The following PITPNC1 variants were observed in gnomAD, a reference collection of about 807,000 sequenced individuals.
The protein encoded by PITPNC1 is phosphatidylinositol transfer protein cytoplasmic 1, also known as cytoplasmic phosphatidylinositol transfer protein 1.
Under a neutral mutation model 44.7 loss-of-function variants are expected in PITPNC1, and 18 were observed. The ratio of observed to expected loss-of-function variants is 0.40; its 90% CI spans 0.28 to 0.60. PITPNC1 has a LOEUF of 0.60. PITPNC1 is among the 20% of genes least tolerant of loss of function. The probability of loss-of-function intolerance (pLI) is 0.39; values close to 1 mark genes in which losing one functional copy is unlikely to be tolerated. For missense variants in PITPNC1, 290 were observed against 418.4 expected, an observed-to-expected ratio of 0.69 and a Z score of 2.68; for synonymous variants, 141 against 149.6, an observed-to-expected ratio of 0.94 and a Z score of 0.42.
chr17:67,568,525 T>A (rs2041011189), intron 4 of PITPNC1, among the ~76,000 whole-genome samples: 3 of 152,180 alleles, frequency 2.0e-5, no homozygotes, highest in Non-Finnish European at 2.9e-5. Flanking sequence ...TTTATTTATT[T>A]TATTTTATTT....
intron 2 of PITPNC1, among the ~76,000 whole-genome samples, chr17:67,541,092 G>C (rs2040599975): frequency 1.3e-5 from 2 of 152,336 alleles, no homozygotes; most frequent in African/African-American, 4.8e-5. Flanking sequence ...TCAGACGCCT[G>C]TAATCCCAGC....
chr17:67,491,668 G>A (rs1019945327), intron 1 of PITPNC1, among the ~76,000 whole-genome samples: 1 of 152,106 alleles, frequency 6.6e-6, no homozygotes, highest in African/African-American at 2.4e-5. Flanking sequence ...GTAAGACTCC[G>A]TTTCTGCAAA....
intron 1 of PITPNC1, among the ~76,000 whole-genome samples, chr17:67,389,668 T>TTTGTTGTTG (rs141781886): frequency 4.7e-4 from 71 of 151,782 alleles, no homozygotes; most frequent in African/African-American, 1.6e-3. Context: ...TGTTTTTTGT[T>TTTGTTGTTG]TTGTTGTTGT....
chr17:67,505,979 G>A (rs1422910448), intron 1 of PITPNC1, among the ~76,000 whole-genome samples: 2 of 152,148 alleles, frequency 1.3e-5, no homozygotes, highest in East Asian at 1.9e-4. Context: ...CTTGTGAGAC[G>A]TGCCTTTTGT....
intron 6 of PITPNC1, among the ~76,000 whole-genome samples, chr17:67,647,463 G>GTTTTTTTTTTTT (rs1567757487): frequency 2.6e-4 from 24 of 90,610 alleles, no homozygotes; most frequent in African/African-American, 1.1e-3. Flanking sequence ...GCTAATTTTG[G>GTTTTTTTTTTTT]GTTTTTTTTT....
chr17:67,567,756 C>T (rs2041000126), intron 4 of PITPNC1, among the ~76,000 whole-genome samples: 3 of 151,856 alleles, frequency 2.0e-5, no homozygotes, highest in African/African-American at 4.8e-5. Context: ...GGGTGGATCA[C>T]GAGGTCAGGA....
At chr17:67,414,381 A>G (rs548688591) in intron 1 of PITPNC1, among the ~76,000 whole-genome samples, 1 of 152,316 alleles carries the variant, frequency 6.6e-6, no homozygotes, top group African/African-American at 2.4e-5. Flanking sequence ...GAAATGAACT[A>G]TTTATACATA....
chr17:67,590,422 G>A lies in PITPNC1; in HGVS notation c.366+12165G>A, dbSNP rs193042706. On this transcript the variant is annotated intron_variant, in intron 5 of 8. Coordinates refer to ENST00000581322, the MANE Select transcript of PITPNC1 (RefSeq NM_012417.4). ...AGTAATAAGTTTGTTTCTTACTGTA[G>A]TATGGGCTAATACTACTGAAACTAT... Among the ~76,000 whole-genome samples the A allele has an allele frequency of 2.6e-3, 393 of 152,276 alleles. 3 individuals are homozygous for A. Among genetic ancestry groups the A allele is most frequent in the Non-Finnish European group, 3.4e-3 (231 of 68,026 alleles).
At chr17:67,527,485 A>T (rs982200966) in intron 1 of PITPNC1, among the ~76,000 whole-genome samples, 1 of 151,100 alleles carries the variant, frequency 6.6e-6, no homozygotes, top group African/African-American at 2.4e-5. Flanking sequence ...CGGATGGATC[A>T]TGAGGTCAGG....
intron 1 of PITPNC1, among the ~76,000 whole-genome samples, chr17:67,421,932 TGA>T (rs1356206905): frequency 1.3e-5 from 2 of 152,156 alleles, no homozygotes; most frequent in African/African-American, 4.8e-5. Flanking sequence ...GGAATAACAT[TGA>T]GAGGCAAATT....
At position 67,378,018 on chromosome 17, in the gene PITPNC1, C is replaced by A. The variant is rs867904068; in HGVS notation, c.-137C>A. The stretch of plus-strand genomic sequence containing the variant: ...GGAGAGGAGGAAGCCAGGAGCTGAG[C>A]GCGCCGCGGGGGCTGCTTCGCCCTC... On this transcript the variant is annotated 5_prime_UTR_variant, in exon 1 of 9. Coordinates refer to ENST00000581322, the MANE Select transcript of PITPNC1 (RefSeq NM_012417.4). 4 of 471,236 alleles carry A rather than the reference C, an allele frequency of 8.5e-6. No homozygotes were observed. In the Middle Eastern group the frequency reaches 1.6e-3, roughly 188 times the overall value. 29.2% of individuals were successfully genotyped at this position (471,236 alleles called of 1,614,324 possible).
At chr17:67,687,238 A>G (rs1259316765) in intron 8 of PITPNC1, 6 of 957,338 alleles carry the variant, frequency 6.3e-6, no homozygotes, top group Admixed American at 1.7e-5. Flanking sequence ...GCACATGTAA[A>G]CTGATCTGGG....
intron 1 of PITPNC1, among the ~76,000 whole-genome samples, chr17:67,527,241 TA>T (rs1172281053): frequency 6.6e-6 from 1 of 152,140 alleles, no homozygotes; most frequent in African/African-American, 2.4e-5. Flanking sequence ...TTTAACTTGG[TA>T]AAGAAATAAG....
At chr17:67,436,805 T>A (rs551223471) in intron 1 of PITPNC1, among the ~76,000 whole-genome samples, 13 of 151,902 alleles carry the variant, frequency 8.6e-5, no homozygotes, top group Non-Finnish European at 1.9e-4. Flanking sequence ...GGTCATCTGT[T>A]ACCAGTTTTA....
At chr17:67,687,094 C>A in intron 8 of PITPNC1, 2 of 1,609,896 alleles carry the variant, frequency 1.2e-6, no homozygotes, top group South Asian at 2.2e-5. Context: ...TTCGGGAATA[C>A]GAGAAAAACA....
chr17:67,425,186 TGCGC>T (rs1386197600), intron 1 of PITPNC1, among the ~76,000 whole-genome samples: 7 of 55,724 alleles, frequency 1.3e-4, no homozygotes, highest in African/African-American at 2.3e-4. Flanking sequence ...AGCCATGTTG[TGCGC>T]GCGCACGCAC....
At chr17:67,583,918 T>TGTGTGTGTGTG (rs2041274489) in intron 5 of PITPNC1, among the ~76,000 whole-genome samples, 1 of 145,748 alleles carries the variant, frequency 6.9e-6, no homozygotes, top group African/African-American at 2.5e-5. Context: ...TGTGTTTGTG[T>TGTGTGTGTGTG]TTAGTAGAGA....
At chr17:67,564,185 ATGG>A (rs2040944120) in intron 4 of PITPNC1, among the ~76,000 whole-genome samples, 1 of 151,790 alleles carries the variant, frequency 6.6e-6, no homozygotes, top group African/African-American at 2.4e-5. Flanking sequence ...GGATGGATGG[ATGG>A]ATGGATGGAT....
At chr17:67,655,452 C>G (rs1044193449) in intron 6 of PITPNC1, among the ~76,000 whole-genome samples, 1 of 144,614 alleles carries the variant, frequency 6.9e-6, no homozygotes, top group Non-Finnish European at 1.5e-5. Context: ...CCCAGCTACT[C>G]GGGAGGCTGA....
Sources: allele counts gnomAD v4.1 joint callset (sites outside exome capture counted in the v4.1 genomes callset), GRCh38; gene constraint gnomAD v4.1.1; transcripts MANE v1.5; gene names NCBI Gene and HGNC (gene_info 2026-07-23, HGNC 2026-07-21).